The following CHCHD3 variants were observed in gnomAD, a reference collection of about 807,000 sequenced individuals.
CHCHD3 encodes MICOS complex subunit MIC19.
A neutral mutation model predicts 38.2 loss-of-function variants in CHCHD3; 20 were observed. The ratio of observed to expected loss-of-function variants is 0.52; its 90% CI spans 0.37 to 0.76. The LOEUF (loss-of-function observed/expected upper bound fraction) is 0.76, where lower values mean the gene tolerates loss of function less well. Among genes scored for constraint, CHCHD3 ranks in the 30% least tolerant of loss-of-function variants. The pLI is 0.00. For missense variants in CHCHD3, 245 were observed against 279.2 expected, an observed-to-expected ratio of 0.88 and a Z score of 0.87; for synonymous variants, 82 against 100.0, an observed-to-expected ratio of 0.82 and a Z score of 1.07.
At chr7:132,961,617 C>A (rs1013087183) in intron 4 of CHCHD3, among the ~76,000 whole-genome samples, 7 of 152,174 alleles carry the variant, frequency 4.6e-5, no homozygotes. Context: ...TGCATGCGTG[C>A]GGTTAAGAAC....
rs562227090 is a variant in CHCHD3, at chr7:132,891,782, G to A, written c.370-6037C>T. 3.3e-5 allele frequency among the ~76,000 whole-genome samples: 5 copies of A among 152,312 alleles called. No individual in the cohort carries two copies. In the South Asian group the frequency reaches 1.0e-3, roughly 32 times the overall value. On this transcript the variant is annotated intron_variant, in intron 4 of 7. Coordinates refer to ENST00000262570, the MANE Select transcript of CHCHD3 (RefSeq NM_017812.4). ...GATGGGAGGTGAATGGATAATGGGGGAGGTTCCCCCTGCTATTCTTGTGAT... is the reference window on the plus strand; with the variant it reads ...GATGGGAGGTGAATGGATAATGGGGAAGGTTCCCCCTGCTATTCTTGTGAT...
intron 6 of CHCHD3, among the ~76,000 whole-genome samples, chr7:132,821,008 A>G (rs902354858): frequency 2.0e-5 from 3 of 152,196 alleles, no homozygotes; most frequent in Non-Finnish European, 2.9e-5. Context: ...TATTATTTTG[A>G]GTAGTGCTGC....
chr7:133,027,887 T>A lies in CHCHD3; in HGVS notation c.170-3260A>T, dbSNP rs529776390. 9.2e-5 allele frequency among the ~76,000 whole-genome samples: 14 copies of A among 152,292 alleles called. No individual in the cohort carries two copies. In the East Asian group the frequency reaches 2.7e-3, roughly 29 times the overall value. ...ACAAAAAGTCCAAATAGTCTGCTTT[T>A]CAACTAGCCAAATTTTGGATAAATC... On this transcript the variant is annotated intron_variant, in intron 2 of 7. Coordinates refer to ENST00000262570, the MANE Select transcript of CHCHD3 (RefSeq NM_017812.4).
intron 6 of CHCHD3, among the ~76,000 whole-genome samples, chr7:132,823,532 A>G (rs1807435263): frequency 6.6e-6 from 1 of 152,240 alleles, no homozygotes; most frequent in Non-Finnish European, 1.5e-5. Context: ...TCAATTTCAT[A>G]TCCTTTTCGC....
intron 3 of CHCHD3, among the ~76,000 whole-genome samples, chr7:132,986,481 G>A (rs1285553623): frequency 1.3e-5 from 2 of 151,066 alleles, no homozygotes; most frequent in Non-Finnish European, 2.9e-5. Flanking sequence ...GCTAAGAAAG[G>A]AAAGGCTTAC....
At chr7:132,861,611 G>A (rs1808492989) in intron 5 of CHCHD3, among the ~76,000 whole-genome samples, 1 of 152,114 alleles carries the variant, frequency 6.6e-6, no homozygotes, top group East Asian at 1.9e-4. Context: ...ACAAACTTTT[G>A]CCATAAAAGG....
intron 3 of CHCHD3, among the ~76,000 whole-genome samples, chr7:132,992,824 T>C (rs1463672957): frequency 6.6e-6 from 1 of 152,216 alleles, no homozygotes; most frequent in Non-Finnish European, 1.5e-5. Flanking sequence ...AAGTGCCTCA[T>C]TAACAATTCT....
chr7:133,046,790 C>G (rs1220339027), intron 2 of CHCHD3, among the ~76,000 whole-genome samples: 1 of 152,160 alleles, frequency 6.6e-6, no homozygotes, highest in African/African-American at 2.4e-5. Context: ...GTCTCAATCT[C>G]CTGACCTCGT....
intron 3 of CHCHD3, among the ~76,000 whole-genome samples, chr7:132,982,214 T>C (rs1449115347): frequency 6.6e-6 from 1 of 152,228 alleles, no homozygotes; most frequent in Non-Finnish European, 1.5e-5. Context: ...GCTCAAATCG[T>C]TTCAAATCCT....
chr7:132,926,851 T>C (rs950167547), intron 4 of CHCHD3, among the ~76,000 whole-genome samples: 7 of 152,192 alleles, frequency 4.6e-5, no homozygotes, highest in East Asian at 1.9e-4. Context: ...TGTTTTTTTT[T>C]CCAAATATTT....
At chr7:132,952,618 T>G (rs1026792775) in intron 4 of CHCHD3, among the ~76,000 whole-genome samples, 1 of 152,230 alleles carries the variant, frequency 6.6e-6, no homozygotes, top group African/African-American at 2.4e-5. Context: ...AGCAGTTCAC[T>G]TTCATACCAA....
chr7:133,044,929 G>A lies in CHCHD3; in HGVS notation c.170-20302C>T, dbSNP rs576936123. ...CCTGCAGCTCTGATCCAGGATGCTG[G>A]CCTGGGGAAAGCAACGCACATACTC... On this transcript the variant is annotated intron_variant, in intron 2 of 7. Transcript: ENST00000262570. 3.9e-5 allele frequency among the ~76,000 whole-genome samples: 6 copies of A among 152,342 alleles called. No individual in the cohort carries two copies. In the East Asian group the frequency reaches 7.7e-4, roughly 20 times the overall value.
intron 4 of CHCHD3, among the ~76,000 whole-genome samples, chr7:132,896,092 G>A (rs1809487607): frequency 6.6e-6 from 1 of 152,196 alleles, no homozygotes; most frequent in South Asian, 2.1e-4. Context: ...TCATCTGGTG[G>A]TTGGGTTGAA....
At chr7:133,056,999 C>T (rs1293008264) in intron 2 of CHCHD3, among the ~76,000 whole-genome samples, 1 of 152,196 alleles carries the variant, frequency 6.6e-6, no homozygotes, top group Non-Finnish European at 1.5e-5. Context: ...TTCCATTTCC[C>T]ATGTGAAGAA....
intron 3 of CHCHD3, among the ~76,000 whole-genome samples, chr7:132,987,293 T>C (rs1450378111): frequency 6.6e-6 from 1 of 152,188 alleles, no homozygotes; most frequent in Non-Finnish European, 1.5e-5. Flanking sequence ...CTCATGAAGA[T>C]GCCACTGTTG....
At chr7:132,977,157 A>T (rs1358217803) in intron 3 of CHCHD3, among the ~76,000 whole-genome samples, 1 of 152,238 alleles carries the variant, frequency 6.6e-6, no homozygotes, top group African/African-American at 2.4e-5. Context: ...GAACAGCAAT[A>T]ATTAGAAGTC....
chr7:132,831,487 A>C (rs1316065423), intron 6 of CHCHD3, among the ~76,000 whole-genome samples: 1 of 152,206 alleles, frequency 6.6e-6, no homozygotes, highest in African/African-American at 2.4e-5. Context: ...ATACAAATAC[A>C]CGTGAAACAG....
Position 132,843,210 on chromosome 7 carries a change from T to C in CHCHD3, c.454-4741A>G, listed in dbSNP as rs527562091. ...ACATCCACCACACCCAGCTAATTTT[T>C]GTTGTGAGCGCTTGGTTCAAGGTCT... On this transcript the variant is annotated intron_variant, in intron 5 of 7. Transcript: ENST00000262570. Among the ~76,000 whole-genome samples the C allele has an allele frequency of 5.8e-4, 88 of 152,130 alleles. 1 individual carries two copies. Among genetic ancestry groups the C allele is most frequent in the Non-Finnish European group, 1.5e-5 (1 of 67,996 alleles).
intron 6 of CHCHD3, among the ~76,000 whole-genome samples, chr7:132,831,187 A>T (rs189793949): frequency 1.0e-3 from 155 of 152,318 alleles, no homozygotes; most frequent in Admixed American, 2.4e-3. Context: ...ACTGCTGGTA[A>T]CATAACTCCT....
Sources: allele counts gnomAD v4.1 joint callset (sites outside exome capture counted in the v4.1 genomes callset), GRCh38; gene constraint gnomAD v4.1.1; transcripts MANE v1.5; gene names NCBI Gene and HGNC (gene_info 2026-07-23, HGNC 2026-07-21).